Variants in ANKS1B observed in about 807,000 individuals in gnomAD.
The protein encoded by ANKS1B is ankyrin repeat and sterile alpha motif domain containing 1B.
Under a neutral mutation model 148.3 loss-of-function variants are expected in ANKS1B, and 36 were observed. The observed-to-expected ratio is 0.24, with a 90% CI of 0.19 to 0.32. The LOEUF is 0.32. Among genes scored for constraint, ANKS1B ranks in the 10% least tolerant of loss-of-function variants. ANKS1B has a pLI of 1.00. For synonymous variants in ANKS1B, 542 were observed against 560.8 expected (o/e 0.97, Z 0.47); for missense variants, 1,157 against 1,542.6 (o/e 0.75, Z 4.19).
chr12:99,030,536 C>A (rs1408691905), intron 17 of ANKS1B, among the ~76,000 whole-genome samples: 1 of 151,710 alleles, frequency 6.6e-6, no homozygotes, highest in African/African-American at 2.4e-5. Context: ...TAAGCACATG[C>A]AGTACGGTAC....
At chr12:99,531,609 T>A (rs771779173) in intron 9 of ANKS1B, among the ~76,000 whole-genome samples, 1 of 152,220 alleles carries the variant, frequency 6.6e-6, no homozygotes, top group Non-Finnish European at 1.5e-5. Context: ...CGGTCATCAG[T>A]TGATGGGCAC....
At chr12:99,062,494 C>A (rs1042877518) in intron 16 of ANKS1B, among the ~76,000 whole-genome samples, 1 of 151,848 alleles carries the variant, frequency 6.6e-6, no homozygotes, top group African/African-American at 2.4e-5. Context: ...ATGGTCAGGA[C>A]AAGAAAAGAA....
intron 17 of ANKS1B, among the ~76,000 whole-genome samples, chr12:98,946,499 C>A (rs1348235072): frequency 6.6e-6 from 1 of 152,106 alleles, no homozygotes; most frequent in Non-Finnish European, 1.5e-5. Context: ...TTCCTGCCTT[C>A]CAGTAGGAAG....
At chr12:99,707,042 A>T (rs1424924724) in intron 8 of ANKS1B, among the ~76,000 whole-genome samples, 1 of 152,164 alleles carries the variant, frequency 6.6e-6, no homozygotes, top group African/African-American at 2.4e-5. Context: ...AAACTGTGAG[A>T]TAATAAATAT....
rs1042987326 is a variant in ANKS1B, at chr12:99,402,490, G to A, written c.1576-2679C>T. ...CCTCCCACCCTCCACCATCTGATAG[G>A]CCCCAGTGTGTGTTGTTCCCCTCTA... On this transcript the variant is annotated intron_variant, in intron 11 of 26. Transcript: ENST00000683438. Among the ~76,000 whole-genome samples the A allele has an allele frequency of 1.0e-4, 15 of 144,996 alleles. 1 individual carries two copies. Among genetic ancestry groups the A allele is most frequent in the Admixed American group, 1.0e-3 (15 of 14,600 alleles).
chr12:99,624,862 A>G (rs1172247346), intron 9 of ANKS1B, among the ~76,000 whole-genome samples: 1 of 152,118 alleles, frequency 6.6e-6, no homozygotes, highest in Non-Finnish European at 1.5e-5. Flanking sequence ...CTAAAAATAG[A>G]GCTACCATTC....
At chr12:99,704,585 C>T (rs1001728389) in intron 8 of ANKS1B, among the ~76,000 whole-genome samples, 6 of 147,654 alleles carry the variant, frequency 4.1e-5, no homozygotes, top group African/African-American at 1.2e-4. Context: ...CACACACACA[C>T]ACAAACTCTC....
intron 9 of ANKS1B, among the ~76,000 whole-genome samples, chr12:99,635,534 G>C (rs191024781): frequency 6.6e-6 from 1 of 152,146 alleles, no homozygotes; most frequent in Admixed American, 6.5e-5. Flanking sequence ...CCACTTAGTT[G>C]AGGTATCTAG....
chr12:99,218,266 T>A (rs2084546129), intron 14 of ANKS1B, among the ~76,000 whole-genome samples: 1 of 152,242 alleles, frequency 6.6e-6, no homozygotes, highest in South Asian at 2.1e-4. Flanking sequence ...TTGACATTTC[T>A]CCCTAAGTCC....
intron 10 of ANKS1B, among the ~76,000 whole-genome samples, chr12:99,452,999 G>A (rs980776659): frequency 6.6e-6 from 1 of 152,152 alleles, no homozygotes; most frequent in Non-Finnish European, 1.5e-5. Flanking sequence ...TTCTAACAAA[G>A]AAGAGATGAG....
intron 12 of ANKS1B, among the ~76,000 whole-genome samples, chr12:99,331,902 A>G (rs1212108097): frequency 1.3e-5 from 2 of 151,826 alleles, no homozygotes; most frequent in African/African-American, 4.8e-5. Flanking sequence ...TAGAGGGAAA[A>G]CCTGACTCTG....
At chr12:99,676,490 T>C (rs1599447579) in intron 8 of ANKS1B, among the ~76,000 whole-genome samples, 4 of 152,330 alleles carry the variant, frequency 2.6e-5, no homozygotes, top group Admixed American at 2.6e-4. Context: ...GTTGAAATGT[T>C]CATCAGAATG....
intron 1 of ANKS1B, among the ~76,000 whole-genome samples, chr12:99,943,966 G>A (rs910122201): frequency 6.7e-5 from 10 of 148,730 alleles, no homozygotes; most frequent in African/African-American, 2.5e-4. Flanking sequence ...CCCCCACCCC[G>A]CGACAGGCCC....
intron 9 of ANKS1B, among the ~76,000 whole-genome samples, chr12:99,561,466 G>A (rs141672261): frequency 4.6e-5 from 7 of 152,190 alleles, no homozygotes; most frequent in African/African-American, 1.7e-4. Flanking sequence ...TCAAAGATTA[G>A]ATTTAAATCC....
chr12:99,148,096 G>A (rs1264890243), intron 15 of ANKS1B, among the ~76,000 whole-genome samples: 1 of 152,092 alleles, frequency 6.6e-6, no homozygotes, highest in Non-Finnish European at 1.5e-5. Flanking sequence ...TTAAAGAAGA[G>A]TAGAAATATG....
At chr12:99,576,054 T>C (rs1276041889) in intron 9 of ANKS1B, among the ~76,000 whole-genome samples, 1 of 151,916 alleles carries the variant, frequency 6.6e-6, no homozygotes, top group Non-Finnish European at 1.5e-5. Context: ...GACGGAGAAA[T>C]ATCTATCAAG....
chr12:99,308,150 A>G (rs1429600515), intron 12 of ANKS1B, among the ~76,000 whole-genome samples: 1 of 152,088 alleles, frequency 6.6e-6, no homozygotes, highest in African/African-American at 2.4e-5. Flanking sequence ...GGATTTAAAT[A>G]TTATAATTCT....
chr12:98,989,453 G>C (rs1598099053), intron 17 of ANKS1B, among the ~76,000 whole-genome samples: 1 of 151,994 alleles, frequency 6.6e-6, no homozygotes, highest in Non-Finnish European at 1.5e-5. Flanking sequence ...ACTTTATTTT[G>C]TTCCATTGGT....
intron 12 of ANKS1B, among the ~76,000 whole-genome samples, chr12:99,262,860 G>C (rs2153983417): frequency 6.6e-6 from 1 of 151,920 alleles, no homozygotes; most frequent in South Asian, 2.1e-4. Context: ...ATAGTGACTA[G>C]GGGAATGTGT....
Sources: allele counts gnomAD v4.1 joint callset (sites outside exome capture counted in the v4.1 genomes callset), GRCh38; gene constraint gnomAD v4.1.1; transcripts MANE v1.5; gene names NCBI Gene and HGNC (gene_info 2026-07-23, HGNC 2026-07-21).